The following PAK5 variants were observed in gnomAD, a reference collection of about 807,000 sequenced individuals.
PAK5 encodes the protein p21 (RAC1) activated kinase 5, also known as serine/threonine-protein kinase PAK 5.
A neutral mutation model predicts 65.9 loss-of-function variants in PAK5; 16 were observed. The observed-to-expected ratio is 0.24, with a 90% confidence interval of 0.16 to 0.37. The LOEUF is 0.37. PAK5 is among the 10% of genes least tolerant of loss of function. The probability of loss-of-function intolerance (pLI) is 1.00; values close to 1 mark genes in which losing one functional copy is unlikely to be tolerated. For missense variants in PAK5, 785 were observed against 903.9 expected, an observed-to-expected ratio of 0.87 and a Z score of 1.69; for synonymous variants, 371 against 354.9, an observed-to-expected ratio of 1.05 and a Z score of -0.51.
chr20:9,789,642 G>C (rs575004884), intron 1 of PAK5, among the ~76,000 whole-genome samples: 38 of 152,246 alleles, frequency 2.5e-4, no homozygotes, highest in African/African-American at 8.9e-4. Flanking sequence ...GGACATTGCT[G>C]GTTCCAGACC....
intron 3 of PAK5, among the ~76,000 whole-genome samples, chr20:9,609,102 T>C (rs1329920951): frequency 6.6e-6 from 1 of 151,148 alleles, no homozygotes; most frequent in Admixed American, 6.6e-5. Context: ...GTCAGACACC[T>C]GGGCTTTGTG....
intron 1 of PAK5, among the ~76,000 whole-genome samples, chr20:9,825,354 G>A (rs1319044676): frequency 6.6e-6 from 1 of 152,040 alleles, no homozygotes; most frequent in Non-Finnish European, 1.5e-5. Flanking sequence ...GTTATTCTTA[G>A]TTGCCCTGGG....
rs567869944 is a variant in PAK5 at position 9,748,020 on chromosome 20, C to T, written c.-161-36585G>A. 5.3e-5 allele frequency among the ~76,000 whole-genome samples: 8 copies of T among 152,334 alleles called. No individual in the cohort carries two copies. In the East Asian group the frequency reaches 1.5e-3, roughly 29 times the overall value. ...ATACAAAATCAATGCACAAAAATCA[C>T]AAGTATTCTTATACACCAATAACAG... On this transcript the variant is annotated intron_variant, in intron 1 of 9. Coordinates refer to ENST00000353224, the MANE Select transcript of PAK5 (RefSeq NM_177990.4).
intron 3 of PAK5, among the ~76,000 whole-genome samples, chr20:9,599,561 G>T (rs1459966476): frequency 2.6e-5 from 4 of 152,182 alleles, no homozygotes; most frequent in African/African-American, 9.7e-5. Flanking sequence ...CCTAATGGGT[G>T]TGACTTAGTA....
chr20:9,806,259 G>A (rs2049232152), intron 1 of PAK5, among the ~76,000 whole-genome samples: 1 of 152,156 alleles, frequency 6.6e-6, no homozygotes, highest in South Asian at 2.1e-4. Flanking sequence ...AAAGTGCTGG[G>A]ATTACTGGCA....
At chr20:9,619,171 C>T (rs1409878672) in intron 3 of PAK5, among the ~76,000 whole-genome samples, 3 of 151,906 alleles carry the variant, frequency 2.0e-5, no homozygotes, top group Non-Finnish European at 4.4e-5. Flanking sequence ...GATCTGCCTG[C>T]CTCAGCCTCC....
intron 1 of PAK5, among the ~76,000 whole-genome samples, chr20:9,739,902 G>A (rs543335964): frequency 3.3e-5 from 5 of 152,182 alleles, no homozygotes; most frequent in East Asian, 1.9e-4. Flanking sequence ...CTTGGACATC[G>A]ACCCATGAAA....
chr20:9,714,369 G>C lies in PAK5; in HGVS notation c.-161-2934C>G, dbSNP rs377420910. Among the ~76,000 whole-genome samples, 24 of 152,160 alleles carry C rather than the reference G, an allele frequency of 1.6e-4. No individual in the cohort carries two copies. In the East Asian group the frequency reaches 3.3e-3, roughly 21 times the overall value. ...AGCTTTTATTTCATTATATGCACCA[G>C]TTATCTGCAGGTACAAAAGGTCCAT... On this transcript the variant is annotated intron_variant, in intron 1 of 9. Transcript: ENST00000353224.
At chr20:9,686,993 T>C (rs1475934062) in intron 2 of PAK5, among the ~76,000 whole-genome samples, 10 of 152,174 alleles carry the variant, frequency 6.6e-5, no homozygotes, top group Admixed American at 5.9e-4. Flanking sequence ...ACTCTGAGAA[T>C]AGGTATAAAG....
chr20:9,545,330 G>C (rs1022321712), intron 7 of PAK5, among the ~76,000 whole-genome samples: 9 of 152,142 alleles, frequency 5.9e-5, no homozygotes, highest in Non-Finnish European at 1.2e-4. Context: ...TAGATGACCG[G>C]GATTCAGTTT....
At chr20:9,595,407 C>T (rs2046245376) in intron 3 of PAK5, among the ~76,000 whole-genome samples, 1 of 152,074 alleles carries the variant, frequency 6.6e-6, no homozygotes, top group Admixed American at 6.5e-5. Context: ...CCCATTGATT[C>T]CCTCAATGAT....
At chr20:9,573,429 A>G (rs1369862910) in intron 4 of PAK5, among the ~76,000 whole-genome samples, 1 of 152,132 alleles carries the variant, frequency 6.6e-6, no homozygotes, top group Non-Finnish European at 1.5e-5. Context: ...GCTGGGGTGG[A>G]CGGGGCATAA....
chr20:9,727,748 G>A (rs921232702), intron 1 of PAK5, among the ~76,000 whole-genome samples: 4 of 151,956 alleles, frequency 2.6e-5, no homozygotes, highest in Admixed American at 6.6e-5. Context: ...TGCATATAAT[G>A]CAAAATGATT....
chr20:9,638,705 C>A (rs1161569074), intron 3 of PAK5, among the ~76,000 whole-genome samples: 1 of 152,158 alleles, frequency 6.6e-6, no homozygotes, highest in Non-Finnish European at 1.5e-5. Flanking sequence ...AAGCCCTGGC[C>A]TAAATAAGTC....
intron 2 of PAK5, among the ~76,000 whole-genome samples, chr20:9,676,953 C>A (rs1041926995): frequency 2.0e-5 from 3 of 151,910 alleles, no homozygotes; most frequent in Non-Finnish European, 4.4e-5. Flanking sequence ...TTCAGAGACC[C>A]TAACATTTTA....
chr20:9,761,328 C>T (rs529567060), intron 1 of PAK5, among the ~76,000 whole-genome samples: 110 of 152,096 alleles, frequency 7.2e-4, no homozygotes, highest in Non-Finnish European at 1.4e-3. Context: ...TTAAGAATCC[C>T]TGCCCTTGAA....
chr20:9,751,767 G>T (rs1248038650), intron 1 of PAK5, among the ~76,000 whole-genome samples: 2 of 152,070 alleles, frequency 1.3e-5, no homozygotes, highest in African/African-American at 4.8e-5. Context: ...TAATACTTAT[G>T]ATGTGTAACT....
intron 1 of PAK5, among the ~76,000 whole-genome samples, chr20:9,802,499 T>C (rs901930955): frequency 6.6e-6 from 1 of 152,222 alleles, no homozygotes; most frequent in East Asian, 1.9e-4. Context: ...TAATTACCAT[T>C]GATTATCTGT....
chr20:9,596,897 C>T (rs1399697069), intron 3 of PAK5, among the ~76,000 whole-genome samples: 1 of 152,094 alleles, frequency 6.6e-6, no homozygotes, highest in African/African-American at 2.4e-5. Context: ...CAGCAGACTC[C>T]AAGGGAGCAG....
Sources: allele counts gnomAD v4.1 joint callset (sites outside exome capture counted in the v4.1 genomes callset), GRCh38; gene constraint gnomAD v4.1.1; transcripts MANE v1.5; gene names NCBI Gene and HGNC (gene_info 2026-07-23, HGNC 2026-07-21).